PCCA: variants seen among roughly 807,000 people sequenced by gnomAD.
The protein encoded by PCCA is propionyl-CoA carboxylase alpha chain, mitochondrial.
A neutral mutation model predicts 101.3 loss-of-function variants in PCCA; 74 were observed. The ratio of observed to expected loss-of-function variants is 0.73; its 90% CI spans 0.61 to 0.89. PCCA has a LOEUF of 0.89. Among genes scored for constraint, PCCA ranks in the 40% least tolerant of loss-of-function variants. PCCA has a pLI of 0.00. For missense variants in PCCA, 891 were observed against 907.0 expected (o/e 0.98, Z 0.23); for synonymous variants, 294 against 313.6 (o/e 0.94, Z 0.66).
chr13:100,151,773 A>G (rs2053357446), intron 4 of PCCA, among the ~76,000 whole-genome samples: 1 of 152,236 alleles, frequency 6.6e-6, no homozygotes, highest in South Asian at 2.1e-4. Context: ...TGAAACATAT[A>G]GCCAGTAAAT....
chr13:100,383,480 C>T (rs2076339571), intron 19 of PCCA, among the ~76,000 whole-genome samples: 1 of 151,904 alleles, frequency 6.6e-6, no homozygotes, highest in South Asian at 2.1e-4. Flanking sequence ...CATGGTGATA[C>T]ACGCCTGTAG....
At chr13:100,118,495 C>T (rs561428004) in intron 4 of PCCA, among the ~76,000 whole-genome samples, 1 of 152,190 alleles carries the variant, frequency 6.6e-6, no homozygotes, top group African/African-American at 2.4e-5. Context: ...TCTATTTTCT[C>T]ATGAATAGAT....
chr13:100,183,311 A>G (rs1434798209), intron 6 of PCCA, among the ~76,000 whole-genome samples: 4 of 152,176 alleles, frequency 2.6e-5, no homozygotes, highest in African/African-American at 9.6e-5. Context: ...ACAGAATAAA[A>G]TCATGGACTT....
chr13:100,369,848 A>C (rs557550963), intron 19 of PCCA, among the ~76,000 whole-genome samples: 1 of 152,154 alleles, frequency 6.6e-6, no homozygotes, highest in East Asian at 1.9e-4. Context: ...TGAGTAGCAA[A>C]TTATAGGAAT....
intron 1 of PCCA, among the ~76,000 whole-genome samples, chr13:100,089,479 C>G (rs962018738): frequency 6.6e-6 from 1 of 152,268 alleles, no homozygotes; most frequent in Admixed American, 6.5e-5. Context: ...CAGTTGGGTG[C>G]CCGCACGCCC....
intron 8 of PCCA, among the ~76,000 whole-genome samples, chr13:100,251,036 A>C (rs940181926): frequency 2.6e-5 from 4 of 152,148 alleles, no homozygotes; most frequent in African/African-American, 4.8e-5. Context: ...TTCACTGACC[A>C]CTATGTGGCT....
chr13:100,280,088 A>G (rs985890794), intron 12 of PCCA, among the ~76,000 whole-genome samples: 3 of 151,584 alleles, frequency 2.0e-5, no homozygotes, highest in African/African-American at 7.3e-5. Flanking sequence ...AAATAACAAT[A>G]CAGTTTCTCC....
intron 12 of PCCA, among the ~76,000 whole-genome samples, chr13:100,287,407 C>T (rs1197909439): frequency 1.3e-5 from 2 of 152,008 alleles, no homozygotes; most frequent in African/African-American, 4.8e-5. Context: ...TATAACTTTC[C>T]ACAGATATAT....
At chr13:100,193,492 T>A (rs972302110) in intron 6 of PCCA, among the ~76,000 whole-genome samples, 1 of 152,172 alleles carries the variant, frequency 6.6e-6, no homozygotes, top group Non-Finnish European at 1.5e-5. Flanking sequence ...TATAAAATGG[T>A]TTTTTAGTAA....
At chr13:100,116,470 A>G (rs2048807923) in intron 4 of PCCA, among the ~76,000 whole-genome samples, 1 of 152,216 alleles carries the variant, frequency 6.6e-6, no homozygotes, top group Non-Finnish European at 1.5e-5. Flanking sequence ...AATGTTTGAT[A>G]GAAAAATGTT....
At chr13:100,293,528 T>C (rs1241249264) in intron 12 of PCCA, among the ~76,000 whole-genome samples, 1 of 152,214 alleles carries the variant, frequency 6.6e-6, no homozygotes, top group Non-Finnish European at 1.5e-5. Context: ...TGAAAATATT[T>C]TGGTCTTTTA....
At chr13:100,364,495 AT>A (rs969221255) in intron 18 of PCCA, among the ~76,000 whole-genome samples, 1 of 152,188 alleles carries the variant, frequency 6.6e-6, no homozygotes, top group African/African-American at 2.4e-5. Context: ...ATTTTTTAAA[AT>A]TTATAGCTTA....
At chr13:100,419,815 C>T (rs1354922547) in intron 19 of PCCA, among the ~76,000 whole-genome samples, 2 of 152,146 alleles carry the variant, frequency 1.3e-5, no homozygotes, top group Non-Finnish European at 2.9e-5. Context: ...CCTATGGCTT[C>T]GATTTTGGTA....
At chr13:100,413,302 C>T (rs73560960) in intron 19 of PCCA, among the ~76,000 whole-genome samples, 42 of 152,160 alleles carry the variant, frequency 2.8e-4, no homozygotes, top group Non-Finnish European at 5.9e-4. Flanking sequence ...TTTTTATGGA[C>T]GTCTTATAGT....
chr13:100,333,390 C>T (rs1242839044), intron 17 of PCCA, among the ~76,000 whole-genome samples: 2 of 152,236 alleles, frequency 1.3e-5, no homozygotes, highest in Non-Finnish European at 2.9e-5. Flanking sequence ...GCACTATTCA[C>T]AGGCAAGCAC....
At chr13:100,403,774 T>C (rs1163089496) in intron 19 of PCCA, among the ~76,000 whole-genome samples, 2 of 152,052 alleles carry the variant, frequency 1.3e-5, no homozygotes, top group African/African-American at 2.4e-5. Flanking sequence ...CCTGCTACAG[T>C]GCTTCCTGCC....
At chr13:100,308,473 T>C (rs2066638259) in intron 15 of PCCA, among the ~76,000 whole-genome samples, 1 of 151,982 alleles carries the variant, frequency 6.6e-6, no homozygotes. Context: ...TACAGGTGTG[T>C]ACTACCATGC....
chr13:100,184,136 A>G (rs993939769), intron 6 of PCCA, among the ~76,000 whole-genome samples: 2 of 152,176 alleles, frequency 1.3e-5, no homozygotes, highest in African/African-American at 4.8e-5. Flanking sequence ...GGAAGCAGGC[A>G]CGTCTTACAT....
chr13:100,354,049 T>A (rs1003790235), intron 18 of PCCA, among the ~76,000 whole-genome samples: 1 of 148,800 alleles, frequency 6.7e-6, no homozygotes, highest in African/African-American at 2.5e-5. Context: ...CACTTCAGCC[T>A]AGAAGTTTGA....
Sources: allele counts gnomAD v4.1 joint callset (sites outside exome capture counted in the v4.1 genomes callset), GRCh38; gene constraint gnomAD v4.1.1; transcripts MANE v1.5; gene names NCBI Gene and HGNC (gene_info 2026-07-23, HGNC 2026-07-21).